Variants in SH3BP4 observed in about 807,000 individuals in gnomAD.
SH3BP4 encodes SH3 domain-binding protein 4.
In SH3BP4, 33 loss-of-function variants were observed where a neutral mutation model predicts 65.5. The ratio of observed to expected loss-of-function variants is 0.50; its 90% confidence interval spans 0.38 to 0.67. The LOEUF is 0.67. Among genes scored for constraint, SH3BP4 ranks in the 30% least tolerant of loss-of-function variants. The pLI, the probability that SH3BP4 is intolerant of heterozygous loss-of-function variation, is 0.00. For missense variants in SH3BP4, 1,134 were observed against 1,261.4 expected, an observed-to-expected ratio of 0.90 and a Z score of 1.53; for synonymous variants, 552 against 545.5, an observed-to-expected ratio of 1.01 and a Z score of -0.17.
intron 1 of SH3BP4, among the ~76,000 whole-genome samples, chr2:234,970,361 C>A (rs1692965072): frequency 6.6e-6 from 1 of 152,200 alleles, no homozygotes; most frequent in Admixed American, 6.5e-5. Context: ...TCAGGTCCTT[C>A]CCCTAGAGAT....
chr2:234,970,202 T>C (rs1207768318), intron 1 of SH3BP4, among the ~76,000 whole-genome samples: 1 of 152,226 alleles, frequency 6.6e-6, no homozygotes, highest in African/African-American at 2.4e-5. Context: ...GTAGCCGTAT[T>C]GGTCAGAACT....
chr2:235,038,163 C>T (rs901097550), intron 3 of SH3BP4, among the ~76,000 whole-genome samples: 10 of 141,694 alleles, frequency 7.1e-5, no homozygotes, highest in African/African-American at 2.6e-4. Flanking sequence ...AAGAAACACA[C>T]ATACACACAC....
chr2:235,012,844 A>G (rs1405774275), intron 2 of SH3BP4, among the ~76,000 whole-genome samples: 1 of 152,220 alleles, frequency 6.6e-6, no homozygotes, highest in Non-Finnish European at 1.5e-5. Context: ...GGAGACAGGG[A>G]TGAGTTTTTA....
At chr2:235,009,869 T>C (rs1329950362) in intron 2 of SH3BP4, among the ~76,000 whole-genome samples, 2 of 152,072 alleles carry the variant, frequency 1.3e-5, no homozygotes, top group Non-Finnish European at 2.9e-5. Flanking sequence ...AGAGCGTCTT[T>C]GTGGTTTCCG....
rs1179099508 is a variant in SH3BP4 at position 234,967,745 on chromosome 2, C to T, written c.-207+15575C>T. Among the ~76,000 whole-genome samples, 3 of 152,252 alleles carry T rather than the reference C, an allele frequency of 2.0e-5. No homozygotes were observed. Among genetic ancestry groups the T allele is most frequent in the East Asian group, 1.9e-4 (1 of 5,176 alleles). ...CCAGTGACCCAGTGATGCTGAGTCCCGCTTTGGGAGGTGTGGCACAGGGGC... is the reference window on the plus strand; with the variant it reads ...CCAGTGACCCAGTGATGCTGAGTCCTGCTTTGGGAGGTGTGGCACAGGGGC... On this transcript the variant is annotated intron_variant, in intron 1 of 5. Coordinates refer to ENST00000392011, the MANE Select transcript of SH3BP4 (RefSeq NM_014521.3). The surrounding 1 kb of genome is among the most constrained non-coding windows in gnomAD (Gnocchi z 4.6).
rs757861479 is a variant in SH3BP4 at position 235,042,623 on chromosome 2, G to C, written c.1854G>C (p.Lys618Asn). ...AGCCACCCCCTAAAAGTGCCATCAAGCCTTCCGGGCAAAGGAGGTTTCTCA... is the reference window on the plus strand; with the variant it reads ...AGCCACCCCCTAAAAGTGCCATCAACCCTTCCGGGCAAAGGAGGTTTCTCA... ...TPQPPPKSAIKPSGQRRFLKK... is the reference protein window; with the variant it reads ...TPQPPPKSAINPSGQRRFLKK... Residue 618 changes from lysine to asparagine, a missense_variant, in exon 4 of 6, where the codon AAG becomes AAC. Lys to Asn is a moderately conservative substitution (Grantham distance 94). Transcript: ENST00000392011. The surrounding 1 kb of genome is among the most constrained non-coding windows in gnomAD (Gnocchi z 7.3). 3.1e-6 allele frequency: 5 copies of C among 1,614,022 alleles called. No homozygotes were observed. In the African/African-American group the frequency reaches 6.7e-5, roughly 22 times the overall value.
chr2:235,008,041 T>C (rs1574814710), intron 2 of SH3BP4, among the ~76,000 whole-genome samples: 1 of 152,034 alleles, frequency 6.6e-6, no homozygotes, highest in Non-Finnish European at 1.5e-5. Flanking sequence ...CGCAGCTGGG[T>C]GGCTTGGAGG....
At chr2:235,017,056 T>C (rs2106304253) in intron 2 of SH3BP4, among the ~76,000 whole-genome samples, 1 of 149,782 alleles carries the variant, frequency 6.7e-6, no homozygotes, top group African/African-American at 2.4e-5. Context: ...TTTTTTTTTT[T>C]TTTTTTTTTT....
chr2:235,044,928 G>T (rs1695796170), intron 4 of SH3BP4, among the ~76,000 whole-genome samples: 1 of 152,230 alleles, frequency 6.6e-6, no homozygotes, highest in African/African-American at 2.4e-5. Context: ...CGTCAGGGGG[G>T]CCACCTTGGC....
At chr2:234,970,043 TTACTCACA>T (rs1692946266) in intron 1 of SH3BP4, among the ~76,000 whole-genome samples, 1 of 134,742 alleles carries the variant, frequency 7.4e-6, no homozygotes, top group African/African-American at 3.5e-5. Flanking sequence ...ACAAATACAC[TTACTCACA>T]CACACTCATA....
intron 1 of SH3BP4, among the ~76,000 whole-genome samples, chr2:234,954,176 C>T (rs900745491): frequency 6.6e-6 from 1 of 151,900 alleles, no homozygotes; most frequent in Admixed American, 6.6e-5. Context: ...TTATTTTTTT[C>T]CTGTTGTCCC....
intron 2 of SH3BP4, among the ~76,000 whole-genome samples, chr2:235,012,182 GC>G (rs963778216): frequency 2.6e-5 from 4 of 152,188 alleles, no homozygotes; most frequent in African/African-American, 9.7e-5. Context: ...GGGACAGCCA[GC>G]CCAGAGGAGA....
chr2:234,996,894 C>T (rs1371632474), intron 2 of SH3BP4, among the ~76,000 whole-genome samples: 1 of 152,234 alleles, frequency 6.6e-6, no homozygotes, highest in African/African-American at 2.4e-5. Flanking sequence ...GGGGGTCCCT[C>T]TCGGGCTCCA....
rs577274631 is a variant in SH3BP4, at chr2:234,996,896, C to T, written c.-133+1520C>T. 4.0e-5 allele frequency among the ~76,000 whole-genome samples: 6 copies of T among 150,570 alleles called. No individual in the cohort carries two copies. The East Asian group carries it at 6.0e-4, about 15-fold the overall frequency. On this transcript the variant is annotated intron_variant, in intron 2 of 5. Transcript: ENST00000392011. ...GGAGGAGGTTAATGGGGGTCCCTCT[C>T]GGGCTCCAGCAGTTCCTTGGGCGGC...
chr2:235,022,710 G>T (rs1694881619), intron 2 of SH3BP4, among the ~76,000 whole-genome samples: 1 of 152,162 alleles, frequency 6.6e-6, no homozygotes, highest in South Asian at 2.1e-4. Flanking sequence ...TGAGAGGATG[G>T]ATTGTCACAG....
At position 234,974,492 on chromosome 2, in the gene SH3BP4, C is replaced by T. The variant is rs1693109766; in HGVS notation, c.-206-20811C>T. On this transcript the variant is annotated intron_variant, in intron 1 of 5. Transcript: ENST00000392011. The surrounding 1 kb of genome is among the most constrained non-coding windows in gnomAD (Gnocchi z 4.6). ...TGAGTTGCTCTGTGGACAGGCAGCC[C>T]TGGAGCTAACAGGAGTATCCTGCAT... 6.6e-6 allele frequency among the ~76,000 whole-genome samples: 1 copy of T among 152,212 alleles called. No individual in the cohort carries two copies. Among genetic ancestry groups the T allele is most frequent in the Non-Finnish European group, 1.5e-5 (1 of 68,042 alleles).
intron 1 of SH3BP4, among the ~76,000 whole-genome samples, chr2:234,975,245 C>G (rs1693133912): frequency 6.6e-6 from 1 of 152,170 alleles, no homozygotes; most frequent in South Asian, 2.1e-4. Flanking sequence ...GCAGCAGTTG[C>G]AGGACGACAG....
chr2:235,036,740 A>AAATAATTAATAATAATAAT (rs1553567040), intron 3 of SH3BP4, among the ~76,000 whole-genome samples: 1 of 141,740 alleles, frequency 7.1e-6, no homozygotes, highest in Non-Finnish European at 1.5e-5. Flanking sequence ...TCTATATAAA[A>AAATAATTAATAATAATAAT]AATAATAATA....
Position 235,042,342 on chromosome 2 carries a change from G to A in SH3BP4, c.1573G>A (p.Gly525Arg), listed in dbSNP as rs1288428467. The A allele has an allele frequency of 1.2e-6, 2 of 1,614,178 alleles. No individual in the cohort carries two copies. The highest frequency in any genetic ancestry group is 1.1e-5 in the South Asian group (1 of 91,090). The change falls in exon 4 of 6, where the codon GGG (glycine) becomes AGG (arginine). Residue 525 changes from glycine to arginine, a missense_variant. By Grantham distance (125) the Gly-to-Arg change is moderately radical. Coordinates refer to ENST00000392011, the MANE Select transcript of SH3BP4 (RefSeq NM_014521.3). The surrounding 1 kb of genome is among the most constrained non-coding windows in gnomAD (Gnocchi z 7.3). ...TGCCCCGGTGGCCCTGCAGCTGTGG[G>A]GGAAGCACCAGTTCGTTTTGTCCAG... ...NPAPVALQLW[G>R]KHQFVLSRPQ...
Sources: gnomAD v4.1 joint callset for allele counts (sites outside exome capture counted in the v4.1 genomes callset) on GRCh38, gnomAD v4.1.1 for gene constraint, Gnocchi (gnomAD v3.1) non-coding constraint, MANE v1.5 for transcripts, NCBI Gene and HGNC (gene_info 2026-07-23, HGNC 2026-07-21) for gene names.